Variants in KCNMA1 observed in about 807,000 individuals in gnomAD.
KCNMA1 encodes Calcium-activated potassium channel subunit alpha-1.
Under a neutral mutation model 140.0 loss-of-function variants are expected in KCNMA1, and 29 were observed. The ratio of observed to expected loss-of-function variants is 0.21; its 90% confidence interval spans 0.15 to 0.28. The LOEUF is 0.28. KCNMA1 is among the 10% of genes least tolerant of loss of function. The pLI is 1.00. For missense variants in KCNMA1, 880 were observed against 1,602.2 expected (o/e 0.55, Z 7.70); for synonymous variants, 612 against 611.9 (o/e 1.00, Z 0.00).
intron 1 of KCNMA1, among the ~76,000 whole-genome samples, chr10:77,460,529 G>T (rs897451451): frequency 6.8e-6 from 1 of 146,354 alleles, no homozygotes; most frequent in Non-Finnish European, 1.5e-5. Flanking sequence ...TGGTACACAC[G>T]TGCACACACA....
At chr10:76,901,274 AT>A (rs1218009208) in intron 25 of KCNMA1, 3 of 151,822 alleles carry the variant, frequency 2.0e-5, no homozygotes, top group Non-Finnish European at 4.4e-5. Flanking sequence ...GGCCATTTAT[AT>A]TTTCTTCTTT....
At chr10:77,083,477 G>C (rs531587338) in intron 12 of KCNMA1, among the ~76,000 whole-genome samples, 190 of 135,726 alleles carry the variant, frequency 1.4e-3, no homozygotes, top group Non-Finnish European at 2.4e-3. Context: ...GTGTTTCCCA[G>C]TATGACCTCC....
chr10:77,357,234 T>C (rs1039496084), intron 2 of KCNMA1, among the ~76,000 whole-genome samples: 3 of 152,224 alleles, frequency 2.0e-5, no homozygotes, highest in African/African-American at 7.2e-5. Context: ...TTTTGGTTCT[T>C]AAGCAGCTTG....
chr10:77,111,694 T>C (rs1302657334), intron 7 of KCNMA1, among the ~76,000 whole-genome samples: 2 of 152,112 alleles, frequency 1.3e-5, no homozygotes, highest in African/African-American at 4.8e-5. Flanking sequence ...CTTATGCAAA[T>C]AGAGGCTCAG....
chr10:77,462,796 G>T (rs1363149267), intron 1 of KCNMA1, among the ~76,000 whole-genome samples: 1 of 152,180 alleles, frequency 6.6e-6, no homozygotes, highest in African/African-American at 2.4e-5. Flanking sequence ...TGGGCCTTGG[G>T]TCCATGGGGA....
intron 12 of KCNMA1, among the ~76,000 whole-genome samples, chr10:77,081,498 C>T (rs1357776629): frequency 6.6e-6 from 1 of 152,082 alleles, no homozygotes; most frequent in Non-Finnish European, 1.5e-5. Context: ...TTATTATGAC[C>T]ACCCCCACAA....
chr10:77,004,193 CAA>C (rs1022746388), intron 18 of KCNMA1, among the ~76,000 whole-genome samples: 5 of 148,094 alleles, frequency 3.4e-5, no homozygotes, highest in African/African-American at 1.0e-4. Flanking sequence ...ATAGAAATCT[CAA>C]AAGACAAACA....
Position 76,899,530 on chromosome 10 carries a change from C to A in KCNMA1, c.3148-7811G>T, listed in dbSNP as rs1332988270. Among the ~76,000 whole-genome samples, 3 of 152,128 alleles carry A rather than the reference C, an allele frequency of 2.0e-5. No homozygotes were observed. The East Asian group carries it at 5.8e-4, about 29-fold the overall frequency. ...AAAATAAGGTTTTGTTGGGACCCAG[C>A]CATGTCCATTTGTTTATGTATTGTC... On this transcript the variant is annotated intron_variant, in intron 25 of 27. Coordinates refer to ENST00000286628, the MANE Select transcript of KCNMA1 (RefSeq NM_001161352.2).
chr10:77,089,824 G>A (rs1179525883), intron 10 of KCNMA1, among the ~76,000 whole-genome samples: 1 of 152,174 alleles, frequency 6.6e-6, no homozygotes, highest in African/African-American at 2.4e-5. Flanking sequence ...GTTGAGTCAG[G>A]ATTCAGATCA....
intron 2 of KCNMA1, among the ~76,000 whole-genome samples, chr10:77,402,643 A>AT (rs775997108): frequency 1.3e-4 from 20 of 152,256 alleles, no homozygotes; most frequent in Admixed American, 1.2e-3. Context: ...CAGACATAAC[A>AT]TTGAGTTCTC....
At chr10:77,588,477 G>C (rs550628126) in intron 1 of KCNMA1, among the ~76,000 whole-genome samples, 23 of 152,300 alleles carry the variant, frequency 1.5e-4, no homozygotes, top group African/African-American at 5.3e-4. Context: ...ATCAAAGTAA[G>C]GAGGATCATG....
At chr10:76,920,614 T>C (rs1022435600) in intron 23 of KCNMA1, among the ~76,000 whole-genome samples, 2 of 152,184 alleles carry the variant, frequency 1.3e-5, no homozygotes, top group African/African-American at 4.8e-5. Flanking sequence ...TTAGGGACTG[T>C]TGATATTTGC....
rs1217083714 is a variant in KCNMA1 at position 77,439,149 on chromosome 10, A to G, written c.379-35126T>C. On this transcript the variant is annotated intron_variant, in intron 1 of 27. Coordinates refer to ENST00000286628, the MANE Select transcript of KCNMA1 (RefSeq NM_001161352.2). ...AGAGAAGAGAAGAGAAGAGAAGAGA[A>G]AAGAGAAGAGAAGAAAAGAAAAGAG... Among the ~76,000 whole-genome samples the G allele has an allele frequency of 8.9e-4, 76 of 85,270 alleles. No homozygotes were observed. The East Asian group carries it at 0.011, about 13-fold the overall frequency. 55.9% of individuals were successfully genotyped at this position (85,270 alleles called of 152,430 possible).
chr10:77,436,960 A>G, intron 1 of KCNMA1, among the ~76,000 whole-genome samples: 1 of 21,206 alleles, frequency 4.7e-5, no homozygotes, highest in Non-Finnish European at 1.9e-4. Context: ...CTTTCTTTAC[A>G]CACACACACA....
intron 23 of KCNMA1, among the ~76,000 whole-genome samples, chr10:76,934,157 A>G (rs937281253): frequency 6.6e-6 from 1 of 152,066 alleles, no homozygotes; most frequent in African/African-American, 2.4e-5. Context: ...ACTTTAATAG[A>G]GATGGGGTTT....
chr10:76,897,813 A>G (rs899427049), intron 25 of KCNMA1, among the ~76,000 whole-genome samples: 2 of 152,064 alleles, frequency 1.3e-5, no homozygotes, highest in African/African-American at 4.8e-5. Context: ...TTTTAAAGTT[A>G]GAAAAATGAG....
chr10:77,060,313 A>C (rs931162098), intron 14 of KCNMA1, among the ~76,000 whole-genome samples: 2 of 152,218 alleles, frequency 1.3e-5, no homozygotes, highest in Non-Finnish European at 2.9e-5. Flanking sequence ...CATTTTAAGC[A>C]ACAGAAGATT....
intron 2 of KCNMA1, among the ~76,000 whole-genome samples, chr10:77,387,898 G>A (rs1478157209): frequency 2.0e-5 from 3 of 152,150 alleles, no homozygotes; most frequent in South Asian, 2.1e-4. Context: ...GATTACAGAC[G>A]TGAGCCACTG....
chr10:77,326,963 T>C (rs1373351078), intron 2 of KCNMA1, among the ~76,000 whole-genome samples: 1 of 152,040 alleles, frequency 6.6e-6, no homozygotes, highest in African/African-American at 2.4e-5. Context: ...CTCCCCAGTA[T>C]ACCTGGGCCC....
Sources: allele counts gnomAD v4.1 joint callset (sites outside exome capture counted in the v4.1 genomes callset), GRCh38; gene constraint gnomAD v4.1.1; transcripts MANE v1.5; gene names NCBI Gene and HGNC (gene_info 2026-07-23, HGNC 2026-07-21).